The following SPATA6L variants were observed in gnomAD, a reference collection of about 807,000 sequenced individuals.
SPATA6L encodes the protein spermatogenesis associated 6 like.
Under a neutral mutation model 49.2 loss-of-function variants are expected in SPATA6L, and 68 were observed. The observed-to-expected ratio is 1.38, with a 90% CI of 1.14 to 1.69. SPATA6L has a LOEUF of 1.69. Among genes scored for constraint, SPATA6L ranks in the 40% most tolerant of loss-of-function variants. The pLI is 0.00. For synonymous variants in SPATA6L, 198 were observed against 165.7 expected (o/e 1.19, Z -1.50); for missense variants, 668 against 464.3 (o/e 1.44, Z -4.03).
At chr9:4,618,441 G>A (rs1434671291) in intron 8 of SPATA6L, among the ~76,000 whole-genome samples, 3 of 152,070 alleles carry the variant, frequency 2.0e-5, no homozygotes, top group Non-Finnish European at 2.9e-5. Context: ...AAGCGCTATG[G>A]CATAAGAAGC....
At chr9:4,591,445 A>T (rs1293824507) in intron 13 of SPATA6L, among the ~76,000 whole-genome samples, 1 of 152,122 alleles carries the variant, frequency 6.6e-6, no homozygotes, top group East Asian at 1.9e-4. Flanking sequence ...GAAACTAGGC[A>T]GGTCTGATGG....
intron 4 of SPATA6L, among the ~76,000 whole-genome samples, chr9:4,635,072 T>C (rs1832512991): frequency 6.6e-6 from 1 of 152,238 alleles, no homozygotes; most frequent in African/African-American, 2.4e-5. Flanking sequence ...GATTTCAGCC[T>C]GATTAGATAA....
intron 9 of SPATA6L, among the ~76,000 whole-genome samples, chr9:4,616,453 C>T (rs1455449825): frequency 6.6e-6 from 1 of 152,142 alleles, no homozygotes; most frequent in Non-Finnish European, 1.5e-5. Context: ...CCAGGATGAC[C>T]TCCTGTGCTT....
chr9:4,646,492 G>A (rs759178333), intron 3 of SPATA6L: 3 of 1,515,016 alleles, frequency 2.0e-6, no homozygotes, highest in African/African-American at 1.4e-5. Context: ...ATTACCTGGA[G>A]GAACTAGCTG....
intron 5 of SPATA6L, chr9:4,626,528 C>T (rs1274270291): frequency 2.3e-6 from 3 of 1,304,118 alleles, no homozygotes; most frequent in Admixed American, 2.3e-5. Flanking sequence ...TCTTGCTGAA[C>T]CAACATCTTC....
chr9:4,643,726 C>T (rs868289618), intron 3 of SPATA6L, among the ~76,000 whole-genome samples: 12 of 151,888 alleles, frequency 7.9e-5, no homozygotes, highest in Admixed American at 2.0e-4. Flanking sequence ...TGATGTAGGC[C>T]GGGGGCAGTG....
chr9:4,595,590 A>G (rs903558507), downstream of SPATA6L, among the ~76,000 whole-genome samples: 1 of 152,120 alleles, frequency 6.6e-6, no homozygotes, highest in Non-Finnish European at 1.5e-5. Flanking sequence ...CTATATACAT[A>G]TGCTTCATTA....
intron 9 of SPATA6L, among the ~76,000 whole-genome samples, chr9:4,612,999 G>A (rs1345321841): frequency 3.3e-5 from 5 of 152,076 alleles, no homozygotes; most frequent in Admixed American, 6.6e-5. Context: ...AGGCTGAGGC[G>A]GGCGGATCTC....
intron 9 of SPATA6L, among the ~76,000 whole-genome samples, chr9:4,613,439 G>C (rs1208500945): frequency 6.6e-6 from 1 of 151,736 alleles, no homozygotes; most frequent in Non-Finnish European, 1.5e-5. Flanking sequence ...ATGTCCCACT[G>C]GTTTTTCCAG....
downstream of SPATA6L, among the ~76,000 whole-genome samples, chr9:4,596,126 C>A (rs1349498315): frequency 6.6e-6 from 1 of 152,166 alleles, no homozygotes; most frequent in African/African-American, 2.4e-5. Context: ...CTTGAAATAT[C>A]TCGTTTAAGG....
At chr9:4,660,747 C>A (rs1275838586) in intron 2 of SPATA6L, among the ~76,000 whole-genome samples, 1 of 152,218 alleles carries the variant, frequency 6.6e-6, no homozygotes, top group Admixed American at 6.5e-5. Flanking sequence ...TTTATTGCAG[C>A]ACTATTCACA....
intron 3 of SPATA6L, among the ~76,000 whole-genome samples, chr9:4,642,816 C>G (rs1297289790): frequency 6.6e-6 from 1 of 151,378 alleles, no homozygotes. Flanking sequence ...GAATTTATAA[C>G]AAAATCAACA....
intron 3 of SPATA6L, among the ~76,000 whole-genome samples, chr9:4,641,633 A>G (rs976814724): frequency 1.3e-5 from 2 of 152,218 alleles, no homozygotes; most frequent in Non-Finnish European, 2.9e-5. Context: ...TGGTTAGCCA[A>G]ATTCATGGAT....
intron 7 of SPATA6L, 30 bp downstream of exon 7, chr9:4,622,378 A>G (rs1564187922): frequency 7.4e-7 from 1 of 1,348,962 alleles, no homozygotes; most frequent in East Asian, 2.3e-5. Flanking sequence ...CCATAGGGAA[A>G]TGTACAGGAG....
chr9:4,606,285 T>C (rs186707871), intron 9 of SPATA6L, among the ~76,000 whole-genome samples: 2,681 of 142,860 alleles, frequency 0.019, 124 homozygotes, highest in African/African-American at 0.044. Context: ...TCCAACTGGG[T>C]GGAGCCCACC....
At chr9:4,639,520 G>C (rs1433833528) in intron 3 of SPATA6L, among the ~76,000 whole-genome samples, 1 of 152,184 alleles carries the variant, frequency 6.6e-6, no homozygotes, top group Non-Finnish European at 1.5e-5. Context: ...AGTCTCTCTG[G>C]TGTGGTCATT....
At chr9:4,605,581 T>C (rs1824588143) in intron 9 of SPATA6L, 141 bp from the exon 10 acceptor site, 3 of 598,070 alleles carry the variant, frequency 5.0e-6, no homozygotes, top group Middle Eastern at 2.7e-4. Flanking sequence ...TAGTGTGATT[T>C]CAATGTCTTT....
intron 9 of SPATA6L, among the ~76,000 whole-genome samples, chr9:4,610,177 C>T (rs1487741769): frequency 4.0e-5 from 6 of 151,894 alleles, no homozygotes; most frequent in Non-Finnish European, 5.9e-5. Context: ...ACATTCCATG[C>T]TCATGGGTAG....
At position 4,662,749 on chromosome 9, in the gene SPATA6L, C is replaced by T. The variant is rs1230093485; in HGVS notation, c.40-713G>A. On this transcript the variant is annotated intron_variant, in intron 1 of 11. Transcript: ENST00000682582. This position sits in a 1 kb window ranked among gnomAD's most constrained non-coding sequence, Gnocchi z 4.9. ...CTGGGGGTGTGCGCGGGAGAGAGCT[C>T]GTCGTGGGGCAGCGTGCGACCCCTT... 5.6e-6 allele frequency: 9 copies of T among 1,603,596 alleles called. No individual in the cohort carries two copies. Among genetic ancestry groups the T allele is most frequent in the Non-Finnish European group, 7.6e-6 (9 of 1,179,926 alleles).
Sources: allele counts gnomAD v4.1 joint callset (sites outside exome capture counted in the v4.1 genomes callset), GRCh38; gene constraint gnomAD v4.1.1; non-coding constraint Gnocchi (gnomAD v3.1); transcripts MANE v1.5; gene names NCBI Gene and HGNC (gene_info 2026-07-23, HGNC 2026-07-21).